The following CUEDC1 variants were observed in gnomAD, a reference collection of about 807,000 sequenced individuals.
The protein encoded by CUEDC1 is CUE domain-containing protein 1.
CUEDC1 carries 30 observed loss-of-function variants against 43.7 expected under a neutral mutation model. That is an observed-to-expected ratio of 0.69 (90% CI 0.51 to 0.93). The LOEUF is 0.93. CUEDC1 is among the 40% of genes least tolerant of loss of function. The pLI is 0.00. For missense variants in CUEDC1, 486 were observed against 549.0 expected (o/e 0.89, Z 1.15); for synonymous variants, 223 against 223.6 (o/e 1.00, Z 0.02).
intron 1 of CUEDC1, among the ~76,000 whole-genome samples, chr17:57,916,083 G>A (rs1434202622): frequency 6.6e-6 from 1 of 152,218 alleles, no homozygotes; most frequent in Non-Finnish European, 1.5e-5. Context: ...CCTCTCAGGA[G>A]AAACCAAGGG....
In CUEDC1 at chr17:57,951,137, G is replaced by A. The variant is rs143536263; in HGVS notation, c.-316+4088C>T. Among the ~76,000 whole-genome samples the A allele has an allele frequency of 4.8e-3, 618 of 129,066 alleles. 10 individuals are homozygous for A. The highest frequency in any genetic ancestry group is 0.018 in the African/African-American group (593 of 33,754). 84.7% of individuals were successfully genotyped at this position (129,066 alleles called of 152,430 possible). On this transcript the variant is annotated intron_variant, in intron 1 of 10. Coordinates refer to ENST00000577830, the MANE Select transcript of CUEDC1 (RefSeq NM_001271875.2). The stretch of plus-strand genomic sequence containing the variant: ...CCCACTCTTCCAAAATCCACCCTCA[G>A]CCTCTACAGTTTTTACCAAAGATTT...
intron 1 of CUEDC1, among the ~76,000 whole-genome samples, chr17:57,888,006 G>A (rs1056914040): frequency 7.1e-6 from 1 of 141,408 alleles, no homozygotes; most frequent in African/African-American, 2.6e-5. Context: ...GTTCAAGCAA[G>A]TCTCCCATCT....
chr17:57,895,753 G>A (rs1013368760), intron 1 of CUEDC1, among the ~76,000 whole-genome samples: 29 of 152,192 alleles, frequency 1.9e-4, no homozygotes, highest in African/African-American at 7.0e-4. Flanking sequence ...GGGCTGGCAG[G>A]AACACGCGCG....
intron 1 of CUEDC1, among the ~76,000 whole-genome samples, chr17:57,913,945 C>T (rs1259834338): frequency 6.6e-6 from 1 of 152,216 alleles, no homozygotes; most frequent in Non-Finnish European, 1.5e-5. Context: ...CTCACATGCA[C>T]TTCTTGGCTC....
chr17:57,919,865 C>T (rs771103441), intron 1 of CUEDC1, among the ~76,000 whole-genome samples: 6 of 152,190 alleles, frequency 3.9e-5, no homozygotes, highest in Admixed American at 6.5e-5. Context: ...TGCCTCAGCA[C>T]AAACAGCCCC....
In CUEDC1 at chr17:57,861,877, C is replaced by T. The variant is rs1187702455; in HGVS notation, c.*1412G>A. On this transcript the variant is annotated 3_prime_UTR_variant, in exon 11 of 11. Transcript: ENST00000577830. ...AGGGGGCGACCGCTCCTCGGCAGGG[C>T]CCCCCGAGCCAGCGTCCCGGCCCCG... 6.6e-6 allele frequency: 1 copy of T among 151,760 alleles called. No individual in the cohort carries two copies. The highest frequency in any genetic ancestry group is 2.1e-4 in the South Asian group (1 of 4,808). The allele number at this position is 151,760 out of a possible 1,614,324, so 9.4% of individuals were successfully genotyped here. A position where few individuals can be genotyped will look rare whatever the true frequency, so the allele number is the denominator to read the frequency against.
Position 57,861,992 on chromosome 17 carries a change from G to C in CUEDC1, c.*1297C>G, listed in dbSNP as rs1197855559. 1 of 152,220 alleles carries C rather than the reference G, an allele frequency of 6.6e-6. No individual in the cohort carries two copies. The highest frequency in any genetic ancestry group is 1.5e-5 in the Non-Finnish European group (1 of 68,022). 9.4% of individuals were successfully genotyped at this position (152,220 alleles called of 1,614,324 possible). The stretch of plus-strand genomic sequence containing the variant: ...CGTTGCGAGTCCGGGCAGGGTGGGC[G>C]GGACGAGGTGCGATCGCCGGCTCGC... On this transcript the variant is annotated 3_prime_UTR_variant, in exon 11 of 11. Coordinates refer to ENST00000577830, the MANE Select transcript of CUEDC1 (RefSeq NM_001271875.2).
intron 1 of CUEDC1, among the ~76,000 whole-genome samples, chr17:57,950,480 T>TA (rs1213415855): frequency 4.0e-4 from 55 of 138,578 alleles, no homozygotes; most frequent in African/African-American, 9.4e-4. Context: ...TTTATTTATT[T>TA]TTTTTTTTTT....
intron 6 of CUEDC1, 111 bp from the exon 7 acceptor site, chr17:57,869,304 T>C (rs990674411): frequency 2.0e-5 from 18 of 898,654 alleles, no homozygotes; most frequent in Non-Finnish European, 3.0e-5. Flanking sequence ...GCTTCTTCCC[T>C]GGCCAGAAGG....
intron 1 of CUEDC1, among the ~76,000 whole-genome samples, chr17:57,892,025 T>C (rs1300422316): frequency 6.6e-6 from 1 of 152,218 alleles, no homozygotes; most frequent in Non-Finnish European, 1.5e-5. Context: ...AGACATTTAT[T>C]AGGCGAATGA....
intron 1 of CUEDC1, among the ~76,000 whole-genome samples, chr17:57,913,408 C>T (rs540520954): frequency 6.6e-6 from 1 of 152,142 alleles, no homozygotes; most frequent in South Asian, 2.1e-4. Flanking sequence ...AGCACTCCTG[C>T]CTCAGCCTCC....
At chr17:57,899,141 G>A (rs1467648287) in intron 1 of CUEDC1, among the ~76,000 whole-genome samples, 1 of 152,188 alleles carries the variant, frequency 6.6e-6, no homozygotes, top group Non-Finnish European at 1.5e-5. Flanking sequence ...GCGGCTGGGA[G>A]GCCGCCCGCC....
chr17:57,886,124 A>G (rs2074288015), intron 1 of CUEDC1, among the ~76,000 whole-genome samples: 1 of 152,190 alleles, frequency 6.6e-6, no homozygotes, highest in South Asian at 2.1e-4. Context: ...TAAGTGCTCT[A>G]TGTGGGCCAA....
chr17:57,888,769 A>G (rs2074325552), intron 1 of CUEDC1, among the ~76,000 whole-genome samples: 1 of 152,236 alleles, frequency 6.6e-6, no homozygotes, highest in Non-Finnish European at 1.5e-5. Context: ...CTGCTGTCCT[A>G]GTGTCATCAC....
At chr17:57,944,372 G>A (rs753732450) in intron 1 of CUEDC1, among the ~76,000 whole-genome samples, 15 of 151,786 alleles carry the variant, frequency 9.9e-5, no homozygotes, top group Non-Finnish European at 1.6e-4. Flanking sequence ...CACCACGCCC[G>A]GCTAATTTTG....
intron 3 of CUEDC1, among the ~76,000 whole-genome samples, chr17:57,874,314 G>T (rs4793920): frequency 6.6e-6 from 1 of 152,226 alleles, no homozygotes; most frequent in Non-Finnish European, 1.5e-5. Context: ...TCCTTATCTA[G>T]AAACTGCTGC....
At chr17:57,921,122 T>C (rs2074694050) in intron 1 of CUEDC1, among the ~76,000 whole-genome samples, 1 of 152,222 alleles carries the variant, frequency 6.6e-6, no homozygotes, top group African/African-American at 2.4e-5. Flanking sequence ...AATAGGGAGA[T>C]ATTGGTGGAA....
At chr17:57,928,562 A>G (rs899232781) in intron 1 of CUEDC1, among the ~76,000 whole-genome samples, 6 of 150,902 alleles carry the variant, frequency 4.0e-5, no homozygotes, top group Non-Finnish European at 7.4e-5. Context: ...AAAAAAAAAA[A>G]AAGAACCTAG....
chr17:57,916,726 C>T (rs1028054743), intron 1 of CUEDC1, among the ~76,000 whole-genome samples: 3 of 152,182 alleles, frequency 2.0e-5, no homozygotes, highest in African/African-American at 7.2e-5. Flanking sequence ...GCCTGGGCCC[C>T]GCTCTCGAGA....
Sources: gnomAD v4.1 joint callset for allele counts (sites outside exome capture counted in the v4.1 genomes callset) on GRCh38, gnomAD v4.1.1 for gene constraint, MANE v1.5 for transcripts, NCBI Gene and HGNC (gene_info 2026-07-23, HGNC 2026-07-21) for gene names.